DSCAM: variants seen among roughly 807,000 people sequenced by gnomAD.
The protein encoded by DSCAM is cell adhesion molecule DSCAM.
In DSCAM, 47 loss-of-function variants were observed where a neutral mutation model predicts 217.7. The observed-to-expected ratio is 0.22, with a 90% confidence interval of 0.17 to 0.28. The LOEUF is 0.28. Among genes scored for constraint, DSCAM ranks in the 10% least tolerant of loss-of-function variants. The probability of loss-of-function intolerance (pLI) is 1.00; values close to 1 mark genes in which losing one functional copy is unlikely to be tolerated. For synonymous variants in DSCAM, 1,056 were observed against 1,015.3 expected, an observed-to-expected ratio of 1.04 and a Z score of -0.76; for missense variants, 2,080 against 2,618.3, an observed-to-expected ratio of 0.79 and a Z score of 4.49.
chr21:40,023,531 T>C (rs1196764661), intron 32 of DSCAM, among the ~76,000 whole-genome samples: 4 of 136,198 alleles, frequency 2.9e-5, no homozygotes, highest in East Asian at 2.2e-4. Flanking sequence ...CCAGCACCTG[T>C]TGTTTCCTGA....
intron 19 of DSCAM, among the ~76,000 whole-genome samples, chr21:40,131,348 T>C (rs960394388): frequency 5.9e-5 from 9 of 152,328 alleles, no homozygotes; most frequent in African/African-American, 2.2e-4. Flanking sequence ...GTTTCTAAAT[T>C]ATTGAATTTT....
intron 3 of DSCAM, among the ~76,000 whole-genome samples, chr21:40,378,959 A>G (rs562263407): frequency 6.6e-6 from 1 of 152,334 alleles, no homozygotes; most frequent in South Asian, 2.1e-4. Flanking sequence ...AAATTAGGGT[A>G]CATCTATACT....
chr21:40,632,574 ATT>A (rs1407238320), intron 3 of DSCAM, among the ~76,000 whole-genome samples: 1 of 152,124 alleles, frequency 6.6e-6, no homozygotes, highest in Non-Finnish European at 1.5e-5. Flanking sequence ...GGTTATTATC[ATT>A]GTTTTCAGTA....
At chr21:40,156,088 ATAAAT>A (rs1205700573) in intron 16 of DSCAM, among the ~76,000 whole-genome samples, 4 of 150,512 alleles carry the variant, frequency 2.7e-5, no homozygotes, top group African/African-American at 9.7e-5. Context: ...ATTTAATAAT[ATAAAT>A]TAAAGAATAA....
intron 11 of DSCAM, among the ~76,000 whole-genome samples, chr21:40,246,836 T>C (rs1037740165): frequency 6.6e-6 from 1 of 152,196 alleles, no homozygotes; most frequent in African/African-American, 2.4e-5. Flanking sequence ...CACCTATATG[T>C]GGCCTTGGGT....
chr21:40,763,535 A>G (rs552684055), intron 1 of DSCAM, among the ~76,000 whole-genome samples: 2 of 152,354 alleles, frequency 1.3e-5, no homozygotes, highest in East Asian at 1.9e-4. Context: ...TAATTTATAG[A>G]TTAAATGCTA....
intron 3 of DSCAM, among the ~76,000 whole-genome samples, chr21:40,687,553 T>TC: frequency 6.6e-6 from 1 of 151,838 alleles, no homozygotes; most frequent in East Asian, 1.9e-4. Context: ...GTGCTAGCTC[T>TC]CCCTCCCTCC....
At chr21:40,493,269 C>T (rs1435482086) in intron 3 of DSCAM, among the ~76,000 whole-genome samples, 1 of 151,772 alleles carries the variant, frequency 6.6e-6, no homozygotes, top group Non-Finnish European at 1.5e-5. Context: ...AAAAATTGTC[C>T]CAGGAAAACA....
chr21:40,550,354 G>A (rs186654442), intron 3 of DSCAM, among the ~76,000 whole-genome samples: 91 of 152,128 alleles, frequency 6.0e-4, no homozygotes, highest in African/African-American at 2.1e-3. Flanking sequence ...GCAAAATCCC[G>A]TCTCTACTAA....
chr21:40,338,122 T>C lies in DSCAM; in HGVS notation c.1762A>G (p.Ser588Gly). Reference sequence around the variant, plus strand: ...TTACCTTTCACGGTCACGTGGACGCTCTGGCTGGTGGAGAGTTGTGGTTGA... The same window carrying C: ...TTACCTTTCACGGTCACGTGGACGCCCTGGCTGGTGGAGAGTTGTGGTTGA... Reference protein sequence around the residue: ...LVQPQLSTSQSVHVTVKVPPF... With the variant: ...LVQPQLSTSQGVHVTVKVPPF... Residue 588 changes from serine to glycine, a missense_variant, in exon 8 of 33, where the codon AGC (serine) becomes GGC (glycine). Physicochemically the swap from Ser to Gly is moderately conservative, Grantham distance 56 (BLOSUM62 0). This residue lies in a region of DSCAM where 218 missense variants were observed against 364.1 expected (regional missense o/e 0.60). Coordinates refer to ENST00000400454, the MANE Select transcript of DSCAM (RefSeq NM_001389.5). The C allele has an allele frequency of 6.2e-7, 1 of 1,614,160 alleles. No individual in the cohort carries two copies.
At chr21:40,335,537 C>T (rs970167270) in intron 8 of DSCAM, among the ~76,000 whole-genome samples, 23 of 152,108 alleles carry the variant, frequency 1.5e-4, no homozygotes, top group African/African-American at 3.9e-4. Flanking sequence ...AAAGGGCTTT[C>T]GTTTAAATCT....
chr21:40,763,458 T>C (rs184823426), intron 1 of DSCAM, among the ~76,000 whole-genome samples: 38 of 152,224 alleles, frequency 2.5e-4, no homozygotes, highest in African/African-American at 8.4e-4. Flanking sequence ...CACAAACAAA[T>C]GGAAAAACAT....
chr21:40,389,511 T>C (rs529281068), intron 3 of DSCAM, among the ~76,000 whole-genome samples: 1 of 152,234 alleles, frequency 6.6e-6, no homozygotes, highest in Non-Finnish European at 1.5e-5. Context: ...TTATCATTAA[T>C]ACTGTCCAGG....
At chr21:40,219,139 AG>A (rs1483226538) in intron 11 of DSCAM, among the ~76,000 whole-genome samples, 1 of 152,330 alleles carries the variant, frequency 6.6e-6, no homozygotes, top group East Asian at 1.9e-4. Context: ...TATTATTTTA[AG>A]GTATGTTCCT....
At chr21:40,221,271 G>T (rs1019115996) in intron 11 of DSCAM, among the ~76,000 whole-genome samples, 1 of 151,950 alleles carries the variant, frequency 6.6e-6, no homozygotes, top group Admixed American at 6.6e-5. Context: ...TACCCAGCCT[G>T]CAGAGGGCAT....
At chr21:40,145,001 G>A (rs1803895928) in intron 16 of DSCAM, among the ~76,000 whole-genome samples, 2 of 152,294 alleles carry the variant, frequency 1.3e-5, no homozygotes, top group Middle Eastern at 6.8e-3. Context: ...AGTATGCATG[G>A]CAGGAGCGGA....
intron 26 of DSCAM, among the ~76,000 whole-genome samples, chr21:40,077,240 G>C (rs2089378699): frequency 1.3e-5 from 2 of 152,186 alleles, no homozygotes; most frequent in South Asian, 4.1e-4. Context: ...ACAAGCTCAA[G>C]GTCTTCCTAC....
At chr21:40,682,029 G>C (rs376405242) in intron 3 of DSCAM, among the ~76,000 whole-genome samples, 1 of 152,192 alleles carries the variant, frequency 6.6e-6, no homozygotes, top group East Asian at 1.9e-4. Context: ...AGAACTGTGA[G>C]GAAATAAATT....
At chr21:40,703,009 T>C (rs1407898266) in intron 2 of DSCAM, among the ~76,000 whole-genome samples, 1 of 152,240 alleles carries the variant, frequency 6.6e-6, no homozygotes, top group Non-Finnish European at 1.5e-5. Context: ...AATAGCCAAT[T>C]ATTTTTTAAA....
Sources: gnomAD v4.1 joint callset for allele counts (sites outside exome capture counted in the v4.1 genomes callset) on GRCh38, gnomAD v4.1.1 for gene constraint, gnomAD v4.1.1 regional missense constraint, MANE v1.5 for transcripts, NCBI Gene and HGNC (gene_info 2026-07-23, HGNC 2026-07-21) for gene names.